Variants in DIP2A observed in about 807,000 individuals in gnomAD.
The protein encoded by DIP2A is DIP2 acetate--CoA ligase A.
In DIP2A, 85 loss-of-function variants were observed where a neutral mutation model predicts 177.4. The ratio of observed to expected loss-of-function variants is 0.48; its 90% CI spans 0.40 to 0.57. DIP2A has a LOEUF of 0.57. DIP2A is among the 20% of genes least tolerant of loss of function. The pLI, the probability that DIP2A is intolerant of heterozygous loss-of-function variation, is 0.00. For missense variants in DIP2A, 1,791 were observed against 2,100.2 expected, an observed-to-expected ratio of 0.85 and a Z score of 2.88; for synonymous variants, 886 against 881.8, an observed-to-expected ratio of 1.00 and a Z score of -0.08.
chr21:46,534,346 T>C (rs540630677), intron 12 of DIP2A, among the ~76,000 whole-genome samples: 39 of 152,162 alleles, frequency 2.6e-4, no homozygotes, highest in Non-Finnish European at 4.9e-4. Flanking sequence ...CAGACAGTTA[T>C]GAGGGAGCCC....
At chr21:46,530,873 A>G (rs2059327918) in intron 9 of DIP2A, among the ~76,000 whole-genome samples, 1 of 152,170 alleles carries the variant, frequency 6.6e-6, no homozygotes, top group African/African-American at 2.4e-5. Context: ...GGGATTTCTC[A>G]TTGGTAAAAC....
chr21:46,547,323 T>C (rs961986803), intron 21 of DIP2A: 3 of 773,464 alleles, frequency 3.9e-6, no homozygotes, highest in Non-Finnish European at 5.1e-6. Context: ...AGGGAAGAAT[T>C]GAGTAAAGCA....
intron 2 of DIP2A, among the ~76,000 whole-genome samples, chr21:46,486,926 G>A (rs747649666): frequency 2.6e-5 from 4 of 152,210 alleles, no homozygotes; most frequent in African/African-American, 4.8e-5. Context: ...AATGAATCTT[G>A]TAAACATCGT....
chr21:46,562,470 G>A (rs1040943099), intron 34 of DIP2A, among the ~76,000 whole-genome samples: 7 of 152,216 alleles, frequency 4.6e-5, no homozygotes, highest in African/African-American at 1.7e-4. Context: ...TGGCCACCCT[G>A]ACTCCGTTCA....
In DIP2A at chr21:46,520,164, G is replaced by A. The variant is rs557320552; in HGVS notation, c.1102+8550G>A. On this transcript the variant is annotated intron_variant, in intron 8 of 37. Transcript: ENST00000417564. ...GCTGGGATTACAGGCATGAGCCACC[G>A]CACCCAGCCTGATCCAGATTTTTAC... 2.6e-5 allele frequency among the ~76,000 whole-genome samples: 4 copies of A among 152,088 alleles called. No individual in the cohort carries two copies. The East Asian group carries it at 7.7e-4, about 29-fold the overall frequency.
intron 1 of DIP2A, among the ~76,000 whole-genome samples, chr21:46,474,104 G>C (rs11089068): frequency 0.27 from 41,285 of 151,942 alleles, 5,983 homozygotes; most frequent in East Asian, 0.36. Flanking sequence ...GGATGGAGAG[G>C]GCAATCAGAA....
At chr21:46,513,357 C>T (rs2058399528) in intron 8 of DIP2A, among the ~76,000 whole-genome samples, 2 of 152,116 alleles carry the variant, frequency 1.3e-5, no homozygotes, top group African/African-American at 4.8e-5. Context: ...ATTGAAAAGG[C>T]AATCCTTTCC....
chr21:46,536,371 G>A (rs971611559), intron 13 of DIP2A, among the ~76,000 whole-genome samples: 1 of 152,196 alleles, frequency 6.6e-6, no homozygotes, highest in Non-Finnish European at 1.5e-5. Flanking sequence ...ATCCACTCCA[G>A]CTTCCTAAGA....
At chr21:46,549,424 G>A (rs1001174142) in intron 21 of DIP2A, among the ~76,000 whole-genome samples, 1 of 152,136 alleles carries the variant, frequency 6.6e-6, no homozygotes, top group Admixed American at 6.6e-5. Context: ...ATAGAGATGC[G>A]ATCTGTTGGA....
intron 17 of DIP2A, among the ~76,000 whole-genome samples, chr21:46,541,088 CTA>C (rs2059798239): frequency 6.7e-6 from 1 of 150,330 alleles, no homozygotes; most frequent in Admixed American, 6.6e-5. Flanking sequence ...CGTCTACAAA[CTA>C]TAAATTATTC....
In DIP2A at chr21:46,531,264, C is replaced by T. The variant is rs112027434; in HGVS notation, c.1195-863C>T. ...AGTCCTCAGCAGCAGGGGACACTCA[C>T]GGCTCTCCTGAGTGGGTGGTTATTT... On this transcript the variant is annotated intron_variant, in intron 9 of 37. Coordinates refer to ENST00000417564, the MANE Select transcript of DIP2A (RefSeq NM_015151.4). Among the ~76,000 whole-genome samples, 268 of 152,208 alleles carry T rather than the reference C, an allele frequency of 1.8e-3. 3 individuals carry two copies. Among genetic ancestry groups the T allele is most frequent in the African/African-American group, 6.0e-3 (249 of 41,538 alleles).
downstream of DIP2A, among the ~76,000 whole-genome samples, chr21:46,570,096 G>A (rs990996826): frequency 1.3e-5 from 2 of 152,076 alleles, no homozygotes; most frequent in African/African-American, 2.4e-5. Context: ...CTGTATTGCC[G>A]TACATCAGCG....
At chr21:46,496,520 T>C (rs911595233) in intron 3 of DIP2A, among the ~76,000 whole-genome samples, 2 of 152,174 alleles carry the variant, frequency 1.3e-5, no homozygotes, top group African/African-American at 4.8e-5. Flanking sequence ...GAAGAATAAT[T>C]ATCCTGGGCC....
intron 3 of DIP2A, 42 bp downstream of exon 3, chr21:46,490,761 G>A: frequency 6.6e-7 from 1 of 1,522,304 alleles, no homozygotes; most frequent in Non-Finnish European, 8.8e-7. Context: ...GGACGGGCCT[G>A]GAGCCCTTGG....
intron 5 of DIP2A, among the ~76,000 whole-genome samples, chr21:46,501,672 C>T (rs1201804373): frequency 6.6e-6 from 1 of 151,544 alleles, no homozygotes; most frequent in East Asian, 1.9e-4. Context: ...ATCCTCATGC[C>T]TTGGCCTTTC....
chr21:46,554,212 G>C lies in DIP2A; in HGVS notation c.3074G>C (p.Arg1025Thr). ...GCAACCTGTGTCCAGCTGCACAAAA[G>C]GGCTGAGAGAGTGGCCGCGGCTCTG... ...STATCVQLHK[R>T]AERVAAALME... The change falls in exon 26 of 38, where the codon AGG becomes ACG. Residue 1025 changes from arginine to threonine, a missense_variant. By Grantham distance (71) the Arg-to-Thr change is moderately conservative (BLOSUM62 -1). Coordinates refer to ENST00000417564, the MANE Select transcript of DIP2A (RefSeq NM_015151.4). 6.2e-7 allele frequency: 1 copy of C among 1,613,920 alleles called. No homozygotes were observed.
Position 46,563,677 on chromosome 21 carries a change from C to T in DIP2A, c.4090-181C>T, listed in dbSNP as rs1327669405. The T allele has an allele frequency of 4.3e-6, 5 of 1,168,900 alleles. No homozygotes were observed. Among genetic ancestry groups the T allele is most frequent in the Admixed American group, 3.0e-5 (1 of 33,714 alleles). 72.4% of individuals were successfully genotyped at this position (1,168,900 alleles called of 1,614,324 possible). A position where few individuals can be genotyped will look rare whatever the true frequency, so the allele number is the denominator to read the frequency against. ...GAGTCATTTTGCTTATTTCTATTAACATCTCTTATTTCTTTCAAAATTCAA... is the reference window on the plus strand; with the variant it reads ...GAGTCATTTTGCTTATTTCTATTAATATCTCTTATTTCTTTCAAAATTCAA... On this transcript the variant is annotated intron_variant, in intron 34 of 37. Coordinates refer to ENST00000417564, the MANE Select transcript of DIP2A (RefSeq NM_015151.4). This position sits in a 1 kb window ranked among gnomAD's most constrained non-coding sequence, Gnocchi z 4.3.
intron 18 of DIP2A, among the ~76,000 whole-genome samples, chr21:46,542,153 AAATTGG>A (rs542899685): frequency 1.8e-3 from 275 of 152,342 alleles, no homozygotes; most frequent in African/African-American, 6.1e-3. Flanking sequence ...TTTTCAGTGT[AAATTGG>A]AATTTTACTT....
At chr21:46,493,155 A>G (rs1375668289) in intron 3 of DIP2A, among the ~76,000 whole-genome samples, 1 of 152,200 alleles carries the variant, frequency 6.6e-6, no homozygotes, top group Non-Finnish European at 1.5e-5. Context: ...TGTTATGGCA[A>G]CTGAGCAGAC....
Sources: allele counts gnomAD v4.1 joint callset (sites outside exome capture counted in the v4.1 genomes callset), GRCh38; gene constraint gnomAD v4.1.1; non-coding constraint Gnocchi (gnomAD v3.1); transcripts MANE v1.5; gene names NCBI Gene and HGNC (gene_info 2026-07-23, HGNC 2026-07-21).